IQCM: variants seen among roughly 807,000 people sequenced by gnomAD.
The protein encoded by IQCM is IQ motif containing M.
Under a neutral mutation model 57.6 loss-of-function variants are expected in IQCM, and 45 were observed. The ratio of observed to expected loss-of-function variants is 0.78; its 90% CI spans 0.62 to 1.00. The LOEUF (loss-of-function observed/expected upper bound fraction) is 1.00, where lower values mean the gene tolerates loss of function less well. IQCM is among the 50% of genes least tolerant of loss of function. The probability of loss-of-function intolerance (pLI) is 0.00; values close to 1 mark genes in which losing one functional copy is unlikely to be tolerated. For missense variants in IQCM, 468 were observed against 511.6 expected, an observed-to-expected ratio of 0.91 and a Z score of 0.82; for synonymous variants, 148 against 158.9, an observed-to-expected ratio of 0.93 and a Z score of 0.51.
chr4:149,506,886 G>A (rs942872060), intron 12 of IQCM, among the ~76,000 whole-genome samples: 2 of 152,118 alleles, frequency 1.3e-5, no homozygotes, highest in African/African-American at 2.4e-5. Context: ...ACAAGATAGA[G>A]CAATAGTGAA....
chr4:149,711,439 C>T (rs961556963), intron 5 of IQCM, among the ~76,000 whole-genome samples: 9 of 152,152 alleles, frequency 5.9e-5, no homozygotes, highest in Non-Finnish European at 1.3e-4. Flanking sequence ...GTCTCTGAGT[C>T]TGAGTTTTCC....
chr4:149,703,380 G>C (rs1035760944), intron 5 of IQCM, among the ~76,000 whole-genome samples: 1 of 151,796 alleles, frequency 6.6e-6, no homozygotes, highest in Admixed American at 6.6e-5. Context: ...ACTTCCAGTG[G>C]CATGTTTAGG....
At chr4:149,792,462 A>G (rs930818781) in intron 2 of IQCM, among the ~76,000 whole-genome samples, 1 of 152,192 alleles carries the variant, frequency 6.6e-6, no homozygotes, top group African/African-American at 2.4e-5. Flanking sequence ...ACTGTAAAGT[A>G]TTATAATTTA....
chr4:149,596,011 A>T (rs180832506), intron 8 of IQCM, among the ~76,000 whole-genome samples: 384 of 152,324 alleles, frequency 2.5e-3, no homozygotes, highest in Non-Finnish European at 3.7e-3. Flanking sequence ...ACAGAAAAAT[A>T]CATGTTGCTT....
intron 7 of IQCM, among the ~76,000 whole-genome samples, chr4:149,672,966 A>G (rs1361808902): frequency 2.6e-5 from 4 of 152,196 alleles, no homozygotes; most frequent in Non-Finnish European, 5.9e-5. Context: ...GTGGGGGCCA[A>G]TATTCAACAT....
At chr4:149,355,512 C>T (rs886881696) in intron 13 of IQCM, among the ~76,000 whole-genome samples, 20 of 150,420 alleles carry the variant, frequency 1.3e-4, no homozygotes, top group African/African-American at 2.4e-4. Flanking sequence ...TTTGTCCTTG[C>T]GATAGTTTGC....
intron 2 of IQCM, among the ~76,000 whole-genome samples, chr4:149,773,031 T>C (rs544340970): frequency 1.3e-5 from 2 of 152,228 alleles, no homozygotes; most frequent in East Asian, 3.9e-4. Flanking sequence ...AGTGAAGAAA[T>C]AGCTAATGGT....
chr4:149,804,311 GC>G (rs1411623190), intron 2 of IQCM, among the ~76,000 whole-genome samples: 2 of 151,978 alleles, frequency 1.3e-5, no homozygotes, highest in Non-Finnish European at 2.9e-5. Flanking sequence ...AAGTATGGGG[GC>G]CTTCCTTAAG....
intron 5 of IQCM, among the ~76,000 whole-genome samples, chr4:149,730,111 C>T (rs1014085686): frequency 2.6e-5 from 4 of 152,160 alleles, no homozygotes; most frequent in African/African-American, 9.7e-5. Context: ...ATATAAGATG[C>T]ATCTCCAACC....
At chr4:149,786,612 A>G (rs1372517994) in intron 2 of IQCM, among the ~76,000 whole-genome samples, 2 of 152,222 alleles carry the variant, frequency 1.3e-5, no homozygotes, top group Non-Finnish European at 2.9e-5. Context: ...GAGAAATGCA[A>G]ATTAAAACCA....
chr4:149,483,888 T>A (rs1009050977), intron 12 of IQCM, among the ~76,000 whole-genome samples: 15 of 151,994 alleles, frequency 9.9e-5, no homozygotes, highest in African/African-American at 3.6e-4. Context: ...CCAGCTGTTA[T>A]TGTATTGGAG....
chr4:149,601,218 G>C (rs55724523), intron 8 of IQCM, among the ~76,000 whole-genome samples: 152,207 of 152,270 alleles, frequency 1, 76,072 homozygotes, highest in Middle Eastern at 1. Context: ...TAGAAGATTA[G>C]AATCTTTCTA....
At chr4:149,683,611 A>G (rs980403294) in intron 6 of IQCM, among the ~76,000 whole-genome samples, 2 of 151,300 alleles carry the variant, frequency 1.3e-5, no homozygotes, top group Non-Finnish European at 3.0e-5. Context: ...TTGAAATTCT[A>G]TAACGTTTTT....
intron 12 of IQCM, among the ~76,000 whole-genome samples, chr4:149,499,763 G>A (rs554616121): frequency 6.6e-6 from 1 of 152,198 alleles, no homozygotes; most frequent in South Asian, 2.1e-4. Context: ...AATTCAAGAT[G>A]TCTACACAAT....
intron 2 of IQCM, among the ~76,000 whole-genome samples, chr4:149,789,583 G>A (rs1174015540): frequency 1.3e-5 from 2 of 152,196 alleles, no homozygotes; most frequent in Non-Finnish European, 2.9e-5. Flanking sequence ...ACTTTGGAAG[G>A]CCAAGGTGGG....
At chr4:149,522,978 C>A (rs1745807094) in intron 12 of IQCM, among the ~76,000 whole-genome samples, 3 of 152,152 alleles carry the variant, frequency 2.0e-5, no homozygotes, top group African/African-American at 7.2e-5. Flanking sequence ...AAAAATACCA[C>A]AGACTGAGTG....
chr4:149,412,317 G>A (rs72953695), intron 13 of IQCM, among the ~76,000 whole-genome samples: 2,201 of 152,104 alleles, frequency 0.014, 38 homozygotes, highest in African/African-American at 0.042. Flanking sequence ...CTTCCCTACA[G>A]TACTTAAATT....
chr4:149,595,586 C>T (rs933149926), intron 8 of IQCM, among the ~76,000 whole-genome samples: 2 of 152,136 alleles, frequency 1.3e-5, no homozygotes, highest in Admixed American at 1.3e-4. Flanking sequence ...ATGTCCCTAG[C>T]GCCTTCTGTG....
At chr4:149,710,504 A>G (rs2149830522) in intron 5 of IQCM, among the ~76,000 whole-genome samples, 1 of 152,160 alleles carries the variant, frequency 6.6e-6, no homozygotes, top group South Asian at 2.1e-4. Flanking sequence ...CAGGCAATCC[A>G]TGCCCATATT....
Sources: allele counts gnomAD v4.1 joint callset (sites outside exome capture counted in the v4.1 genomes callset), GRCh38; gene constraint gnomAD v4.1.1; transcripts MANE v1.5; gene names NCBI Gene and HGNC (gene_info 2026-07-23, HGNC 2026-07-21).